The following ARHGAP24 variants were observed in gnomAD, a reference collection of about 807,000 sequenced individuals.
ARHGAP24 encodes the protein Rho GTPase activating protein 24, also known as rho GTPase-activating protein 24.
In ARHGAP24, 50 loss-of-function variants were observed where a neutral mutation model predicts 76.4. The observed-to-expected ratio is 0.65, with a 90% CI of 0.52 to 0.83. ARHGAP24 has a LOEUF of 0.83. ARHGAP24 is among the 40% of genes least tolerant of loss of function. The pLI is 0.00. For missense variants in ARHGAP24, 930 were observed against 914.2 expected (o/e 1.02, Z -0.22); for synonymous variants, 345 against 323.3 (o/e 1.07, Z -0.72).
At chr4:85,909,846 T>C (rs1028782510) in intron 3 of ARHGAP24, among the ~76,000 whole-genome samples, 2 of 152,192 alleles carry the variant, frequency 1.3e-5, no homozygotes, top group African/African-American at 2.4e-5. Flanking sequence ...TGTTACAGGA[T>C]CCTTGGGGTG....
intron 2 of ARHGAP24, among the ~76,000 whole-genome samples, chr4:85,594,961 T>G (rs1165931558): frequency 7.2e-6 from 1 of 139,124 alleles, no homozygotes; most frequent in Non-Finnish European, 1.5e-5. Context: ...CAACAAACAT[T>G]GCAATCCTAT....
intron 1 of ARHGAP24, among the ~76,000 whole-genome samples, chr4:85,556,875 C>A (rs1245767724): frequency 2.0e-5 from 3 of 151,970 alleles, no homozygotes; most frequent in Non-Finnish European, 4.4e-5. Flanking sequence ...TGTAGAGCTG[C>A]TACCATTCTG....
Position 85,663,314 on chromosome 4 carries a change from CTGTT to C in ARHGAP24, c.181-58562_181-58559del, listed in dbSNP as rs1394858864. On this transcript the variant is annotated intron_variant, in intron 2 of 9. Transcript: ENST00000395184. ...GGGAGTTCACTCATGATTTGGCTCT[CTGTT>C]TGTTTGTTATTGGTGTATAAGAATG... Among the ~76,000 whole-genome samples, 3 of 110,108 alleles carry C rather than the reference CTGTT, an allele frequency of 2.7e-5. 1 individual carries two copies. The highest frequency in any genetic ancestry group is 9.3e-5 in the African/African-American group (3 of 32,350). 72.2% of individuals were successfully genotyped at this position (110,108 alleles called of 152,430 possible). A position where few individuals can be genotyped will look rare whatever the true frequency, so the allele number is the denominator to read the frequency against.
intron 2 of ARHGAP24, among the ~76,000 whole-genome samples, chr4:85,714,362 A>G (rs1724655225): frequency 2.0e-5 from 3 of 152,148 alleles, no homozygotes. Context: ...GGATCTGAAT[A>G]CCTGTAATAT....
intron 2 of ARHGAP24, among the ~76,000 whole-genome samples, chr4:85,676,182 C>T (rs7673464): frequency 0.18 from 26,896 of 152,022 alleles, 3,465 homozygotes; most frequent in East Asian, 0.54. Flanking sequence ...GAGTCTGTTT[C>T]GGCACAAATA....
At chr4:85,715,472 A>T (rs1724697682) in intron 2 of ARHGAP24, among the ~76,000 whole-genome samples, 1 of 152,070 alleles carries the variant, frequency 6.6e-6, no homozygotes. Flanking sequence ...TTAGCTAACA[A>T]TGATGCCATG....
intron 2 of ARHGAP24, among the ~76,000 whole-genome samples, chr4:85,668,747 C>T (rs746294803): frequency 7.9e-5 from 12 of 152,116 alleles, no homozygotes; most frequent in African/African-American, 2.4e-4. Flanking sequence ...ATCCAATCCA[C>T]GTTAAAGAGT....
intron 3 of ARHGAP24, among the ~76,000 whole-genome samples, chr4:85,728,155 G>C (rs1158323510): frequency 6.7e-5 from 10 of 148,754 alleles, no homozygotes; most frequent in Non-Finnish European, 7.4e-5. Context: ...TTTTCCAGAA[G>C]GATTTCTTAG....
chr4:85,834,778 T>A (rs1367495352), intron 3 of ARHGAP24, among the ~76,000 whole-genome samples: 1 of 152,214 alleles, frequency 6.6e-6, no homozygotes, highest in Non-Finnish European at 1.5e-5. Context: ...GACAAATATT[T>A]ATAGTCCTTT....
intron 2 of ARHGAP24, among the ~76,000 whole-genome samples, chr4:85,681,091 A>G (rs1290350400): frequency 6.6e-6 from 1 of 152,176 alleles, no homozygotes; most frequent in East Asian, 1.9e-4. Flanking sequence ...AAATATGCAG[A>G]AAAACTCCCA....
rs373466270 is a variant in ARHGAP24 at position 85,506,530 on chromosome 4, T to A, written c.-21+30971T>A. ...TGCGCTAGCAGTGAGCAAGGCTCTG[T>A]GGGCATGGGACCCACTGAGCCAGGC... On this transcript the variant is annotated intron_variant, in intron 1 of 9. Transcript: ENST00000395184. 6.6e-5 allele frequency among the ~76,000 whole-genome samples: 10 copies of A among 152,218 alleles called. No individual in the cohort carries two copies. The East Asian group carries it at 1.9e-3, about 29-fold the overall frequency.
At chr4:85,988,393 C>T (rs903948955) in intron 8 of ARHGAP24, among the ~76,000 whole-genome samples, 25 of 151,336 alleles carry the variant, frequency 1.7e-4, no homozygotes, top group African/African-American at 5.1e-4. Flanking sequence ...AAATGTATGA[C>T]AACGACAGAA....
At chr4:85,703,893 G>A (rs1406057630) in intron 2 of ARHGAP24, among the ~76,000 whole-genome samples, 1 of 152,048 alleles carries the variant, frequency 6.6e-6, no homozygotes, top group Non-Finnish European at 1.5e-5. Flanking sequence ...GAACAGTTAT[G>A]CTACCCCCAA....
rs1266684068 is a variant in ARHGAP24 at position 85,784,924 on chromosome 4, T to TATC, written c.268+62953_268+62955dup. Among the ~76,000 whole-genome samples the TATC allele has an allele frequency of 4.2e-3, 621 of 147,882 alleles. 5 individuals carry two copies. The highest frequency in any genetic ancestry group is 0.015 in the African/African-American group (591 of 39,622). On this transcript the variant is annotated intron_variant, in intron 3 of 9. Transcript: ENST00000395184. ...ATATATCTCTATCTATCTATCTATC[T>TATC]ATCTATCTATCTATCTATCTATCTA...
intron 3 of ARHGAP24, among the ~76,000 whole-genome samples, chr4:85,835,778 C>T (rs1326404210): frequency 2.0e-5 from 3 of 151,946 alleles, no homozygotes; most frequent in Non-Finnish European, 4.4e-5. Flanking sequence ...CTCCGCCTCC[C>T]GGGTTCAAGA....
chr4:85,970,152 C>CA (rs530059431), intron 5 of ARHGAP24, among the ~76,000 whole-genome samples: 1 of 152,096 alleles, frequency 6.6e-6, no homozygotes, highest in Non-Finnish European at 1.5e-5. Context: ...GCCTACAGCT[C>CA]AGACCTTACC....
At chr4:85,751,470 G>T (rs1726263401) in intron 3 of ARHGAP24, among the ~76,000 whole-genome samples, 1 of 152,082 alleles carries the variant, frequency 6.6e-6, no homozygotes, top group African/African-American at 2.4e-5. Flanking sequence ...GGGTTTATAG[G>T]CCAAAATCAG....
chr4:85,821,396 T>C (rs1729465291), intron 3 of ARHGAP24, among the ~76,000 whole-genome samples: 1 of 152,214 alleles, frequency 6.6e-6, no homozygotes, highest in Non-Finnish European at 1.5e-5. Flanking sequence ...TATTCTGAGA[T>C]AGGGTCTCAC....
At chr4:85,825,107 C>CAAAAAAAAAAAAAAGAAAAAAAAA (rs1306192752) in intron 3 of ARHGAP24, among the ~76,000 whole-genome samples, 1 of 148,730 alleles carries the variant, frequency 6.7e-6, no homozygotes, top group Non-Finnish European at 1.5e-5. Context: ...CGAAACGAAA[C>CAAAAAAAAAAAAAAGAAAAAAAAA]AAAACAAAAA....
Sources: gnomAD v4.1 joint callset for allele counts (sites outside exome capture counted in the v4.1 genomes callset) on GRCh38, gnomAD v4.1.1 for gene constraint, MANE v1.5 for transcripts, NCBI Gene and HGNC (gene_info 2026-07-23, HGNC 2026-07-21) for gene names.